Variants in NDUFA2 observed in about 807,000 individuals in gnomAD.
NDUFA2 encodes NADH:ubiquinone oxidoreductase subunit A2.
In NDUFA2, 9 loss-of-function variants were observed where a neutral mutation model predicts 11.4. That is an observed-to-expected ratio of 0.79 (90% CI 0.48 to 1.38). The LOEUF (loss-of-function observed/expected upper bound fraction) is 1.38. NDUFA2 is among the 40% of genes most tolerant of loss of function. NDUFA2 has a pLI of 0.00. For missense variants in NDUFA2, 150 were observed against 131.2 expected (o/e 1.14, Z -0.70); for synonymous variants, 49 against 54.0 (o/e 0.91, Z 0.41).
intron 1 of NDUFA2, 42 bp from the exon 2 acceptor site, chr5:140,647,404 G>T (rs757929497): frequency 6.2e-7 from 1 of 1,610,858 alleles, no homozygotes; most frequent in Non-Finnish European, 8.5e-7. Context: ...GTGGGCGGGG[G>T]CTTCCCTCAA....
In NDUFA2 at chr5:140,645,558, G is replaced by C. The variant is rs1349590193; in HGVS notation, c.*29C>G. 6.2e-7 allele frequency: 1 copy of C among 1,613,540 alleles called. No homozygotes were observed. Among genetic ancestry groups the C allele is most frequent in the Non-Finnish European group, 8.5e-7 (1 of 1,179,752 alleles). On this transcript the variant is annotated 3_prime_UTR_variant, in exon 3 of 3. Transcript: ENST00000252102. ...AGTCCAGCAGAGCCCAGGCTCTGGG[G>C]CTGTTGCTCTTAATCCTCAGTGGAG...
At position 140,647,328 on chromosome 5, in the gene NDUFA2, T is replaced by C; in HGVS notation, c.136A>G (p.Lys46Glu). Reference sequence around the variant, plus strand: ...AGGATGGGTAGGTCGGGATTCGCCTTCTTCAGCTCCACGTAGCGTTTCTCA... The same window carrying C: ...AGGATGGGTAGGTCGGGATTCGCCTCCTTCAGCTCCACGTAGCGTTTCTCA... Reference protein sequence around the residue: ...FIEKRYVELKKANPDLPILIR... With the variant: ...FIEKRYVELKEANPDLPILIR... Residue 46 changes from lysine to glutamate, a missense_variant, in exon 2 of 3, where the codon AAG becomes GAG. By Grantham distance (56) the Lys-to-Glu change is moderately conservative (BLOSUM62 1). Transcript: ENST00000252102. 6.2e-7 allele frequency: 1 copy of C among 1,603,332 alleles called. No individual in the cohort carries two copies. Among genetic ancestry groups the C allele is most frequent in the Non-Finnish European group, 8.5e-7 (1 of 1,173,068 alleles).
intron 2 of NDUFA2, among the ~76,000 whole-genome samples, chr5:140,646,888 G>A (rs1355821612): frequency 6.6e-6 from 1 of 152,082 alleles, no homozygotes; most frequent in Non-Finnish European, 1.5e-5. Context: ...CTCAGCACAG[G>A]GCCCAGCTCT....
chr5:140,647,505 A>G lies in NDUFA2; in HGVS notation c.79T>C (p.Ser27Pro), dbSNP rs761081473. 2 of 1,612,578 alleles carry G rather than the reference A, an allele frequency of 1.2e-6. No homozygotes were observed. Among genetic ancestry groups the G allele is most frequent in the South Asian group, 1.1e-5 (1 of 91,082 alleles). Reference protein sequence around the residue: ...REIRIHLCQRSPGSQGVRDFI... With the variant: ...REIRIHLCQRPPGSQGVRDFI... ...CACCTGACGCCCTGGCTGCCGGGCG[A>G]GCGCTGACATAAGTGGATGCGAATC... The change falls in exon 1 of 3, where the codon TCG becomes CCG. Residue 27 changes from serine to proline, a missense_variant. Ser to Pro is a moderately conservative substitution (Grantham distance 74). Coordinates refer to ENST00000252102, the MANE Select transcript of NDUFA2 (RefSeq NM_002488.5).
In NDUFA2 at chr5:140,647,574, C is replaced by T. The variant is rs370015250; in HGVS notation, c.10G>A (p.Ala4Thr). Reference sequence around the variant, plus strand: ...GCCCCGACTCCTCGACTTGCTGCGGCCGCCGCCATCCTTGTTAATATCGAA... The same window carrying T: ...GCCCCGACTCCTCGACTTGCTGCGGTCGCCGCCATCCTTGTTAATATCGAA... MAAAAASRGVGAKL... is the reference protein window; with the variant it reads MAATAASRGVGAKL... The change falls in exon 1 of 3, where the codon GCC becomes ACC. Residue 4 changes from alanine to threonine, a missense_variant. Physicochemically the swap from Ala to Thr is moderately conservative, Grantham distance 58. Coordinates refer to ENST00000252102, the MANE Select transcript of NDUFA2 (RefSeq NM_002488.5). 1 of 1,610,316 alleles carries T rather than the reference C, an allele frequency of 6.2e-7. No individual in the cohort carries two copies. The highest frequency in any genetic ancestry group is 8.5e-7 in the Non-Finnish European group (1 of 1,179,948).
In NDUFA2 at chr5:140,645,445, T is replaced by A; in HGVS notation, c.*142A>T. 2.8e-6 allele frequency: 3 copies of A among 1,063,974 alleles called. No individual in the cohort carries two copies. Among genetic ancestry groups the A allele is most frequent in the Non-Finnish European group, 4.2e-6 (3 of 710,382 alleles). The allele number at this position is 1,063,974 out of a possible 1,614,324, so 65.9% of individuals were successfully genotyped here. ...TGGTTGCACAGTAAGGGGTAGAGGG[T>A]AGATGAGGACAAGAACACCCTGAGA... On this transcript the variant is annotated 3_prime_UTR_variant, in exon 3 of 3. Coordinates refer to ENST00000252102, the MANE Select transcript of NDUFA2 (RefSeq NM_002488.5).
At chr5:140,645,815 G>T in intron 2 of NDUFA2, 137 bp from the exon 3 acceptor site, 1 of 1,418,194 alleles carries the variant, frequency 7.1e-7, no homozygotes, top group Admixed American at 2.0e-5. Flanking sequence ...AATACATTTG[G>T]TATGCCTAGA....
rs1468402919 is a variant in NDUFA2, at chr5:140,647,543, A to T, written c.41T>A (p.Leu14Gln). ...GTGGATGCGAATCTCACGCAGGCCC[A>T]GCTTTGCCCCGACTCCTCGACTTGC... Reference protein sequence around the residue: ...AAASRGVGAKLGLREIRIHLC... With the variant: ...AAASRGVGAKQGLREIRIHLC... The change falls in exon 1 of 3, where the codon CTG becomes CAG. Residue 14 changes from leucine to glutamine, a missense_variant. Coordinates refer to ENST00000252102, the MANE Select transcript of NDUFA2 (RefSeq NM_002488.5). 38 of 1,611,996 alleles carry T rather than the reference A, an allele frequency of 2.4e-5. No homozygotes were observed. The East Asian group carries it at 8.2e-4, about 35-fold the overall frequency.
In NDUFA2 at chr5:140,646,009, C is replaced by CT. The variant is rs5871744; in HGVS notation, c.209-332dup. 5.7e-3 allele frequency among the ~76,000 whole-genome samples: 712 copies of CT among 124,080 alleles called. 5 individuals are homozygous for CT. The highest frequency in any genetic ancestry group is 0.012 in the Middle Eastern group (3 of 250). 81.4% of individuals were successfully genotyped at this position (124,080 alleles called of 152,430 possible). A position where few individuals can be genotyped will look rare whatever the true frequency, so the allele number is the denominator to read the frequency against. On this transcript the variant is annotated intron_variant, in intron 2 of 2. Coordinates refer to ENST00000252102, the MANE Select transcript of NDUFA2 (RefSeq NM_002488.5). ...CCTCAGCTGGGAGCCCATTCTCTCTCTTTTTTTTTTTTTTTTTTTGAGACG... is the reference window on the plus strand; with the variant it reads ...CCTCAGCTGGGAGCCCATTCTCTCTCTTTTTTTTTTTTTTTTTTTTGAGACG...
intron 2 of NDUFA2, chr5:140,647,032 C>A (rs559435640): frequency 1.9e-6 from 1 of 515,070 alleles, no homozygotes; most frequent in South Asian, 3.0e-5. Flanking sequence ...AGCTCCTGGT[C>A]CCTACGCAGG....
rs763129842 is a variant in NDUFA2 at position 140,647,367 on chromosome 5, G to T, written c.102-5C>A. ...TAGCGTTTCTCAATGAAGTCCCTGC[G>T]GGGCCGGAGAGAGCGCCGCGCGTGC... On this transcript the variant is annotated splice_region_variant and splice_polypyrimidine_tract_variant and intron_variant, in intron 1 of 2. Coordinates refer to ENST00000252102, the MANE Select transcript of NDUFA2 (RefSeq NM_002488.5). 2.5e-6 allele frequency: 4 copies of T among 1,610,696 alleles called. No homozygotes were observed. Among genetic ancestry groups the T allele is most frequent in the Non-Finnish European group, 3.4e-6 (4 of 1,177,514 alleles).
Position 140,645,502 on chromosome 5 carries a change from TAGG to T in NDUFA2, c.*82_*84del, listed in dbSNP as rs1276132669. ...TTTACAGCACAAGCTTTATGAGGAATAGGAGAACACATTTTTTTCACATTATAC... is the reference window on the plus strand; with the variant it reads ...TTTACAGCACAAGCTTTATGAGGAATAGAACACATTTTTTTCACATTATAC... On this transcript the variant is annotated 3_prime_UTR_variant, in exon 3 of 3. Transcript: ENST00000252102. 4 of 1,531,264 alleles carry T rather than the reference TAGG, an allele frequency of 2.6e-6. No individual in the cohort carries two copies. The highest frequency in any genetic ancestry group is 2.2e-4 in the Middle Eastern group (1 of 4,468). 94.9% of individuals were successfully genotyped at this position (1,531,264 alleles called of 1,614,324 possible). A position where few individuals can be genotyped will look rare whatever the true frequency, so the allele number is the denominator to read the frequency against.
rs1246663582 is a variant in NDUFA2 at position 140,647,619 on chromosome 5, C to A, written c.-36G>T. 1.9e-6 allele frequency: 3 copies of A among 1,601,428 alleles called. No individual in the cohort carries two copies. Among genetic ancestry groups the A allele is most frequent in the Non-Finnish European group, 2.5e-6 (3 of 1,177,066 alleles). On this transcript the variant is annotated 5_prime_UTR_variant, in exon 1 of 3. Transcript: ENST00000252102. ...ATCGAAGTCGCCAATTCCAGGTCTT[C>A]AGGCCAAGTGCTCCGGTCTGACCAA... is the stretch of plus-strand genomic sequence containing the variant.
intron 2 of NDUFA2, among the ~76,000 whole-genome samples, chr5:140,646,123 G>A (rs1223578560): frequency 3.3e-5 from 5 of 150,610 alleles, no homozygotes. Context: ...CAATTCTCCT[G>A]CCTCAGCCTC....
In NDUFA2 at chr5:140,647,147, C is replaced by G. The variant is rs1297062114; in HGVS notation, c.208+109G>C. ...ACAAGATCAACAGCAAGGCTAAAGT[C>G]CGAGTTCTAGTTTCTCCACGGGTTT... On this transcript the variant is annotated intron_variant, in intron 2 of 2. Transcript: ENST00000252102. 5.0e-6 allele frequency: 6 copies of G among 1,199,494 alleles called. No homozygotes were observed. The African/African-American group carries it at 7.7e-5, about 15-fold the overall frequency. 74.3% of individuals were successfully genotyped at this position (1,199,494 alleles called of 1,614,324 possible). A position where few individuals can be genotyped will look rare whatever the true frequency, so the allele number is the denominator to read the frequency against.
chr5:140,646,722 A>C (rs954659421), intron 2 of NDUFA2, among the ~76,000 whole-genome samples: 1 of 152,208 alleles, frequency 6.6e-6, no homozygotes, highest in African/African-American at 2.4e-5. Context: ...GTAAAGGCTC[A>C]ATCCTGTTAA....
chr5:140,647,193 C>T lies in NDUFA2; in HGVS notation c.208+63G>A, dbSNP rs184408776. The T allele has an allele frequency of 1.5e-3, 2,224 of 1,495,054 alleles. 1 individual carries two copies. Among genetic ancestry groups the T allele is most frequent in the Non-Finnish European group, 1.8e-3 (2,039 of 1,118,068 alleles). The allele number at this position is 1,495,054 out of a possible 1,614,324, so 92.6% of individuals were successfully genotyped here. A position where few individuals can be genotyped will look rare whatever the true frequency, so the allele number is the denominator to read the frequency against. On this transcript the variant is annotated intron_variant, in intron 2 of 2. Transcript: ENST00000252102. The stretch of plus-strand genomic sequence containing the variant: ...GGTTTCTGCACGACCTTGGGCGGTC[C>T]CTTCTCTTCTCAAACCCTTGTTCCC...
intron 2 of NDUFA2, chr5:140,646,978 A>G (rs1757440064): frequency 2.7e-6 from 1 of 366,314 alleles, no homozygotes; most frequent in African/African-American, 2.1e-5. Context: ...TATATTGACT[A>G]ACTTCTCTCC....
Position 140,645,515 on chromosome 5 carries a change from T to C in NDUFA2, c.*72A>G, listed in dbSNP as rs773021648. ...CTTTATGAGGAATAGGAGAACACAT[T>C]TTTTTCACATTATACTAAGTCCAGC... On this transcript the variant is annotated 3_prime_UTR_variant, in exon 3 of 3. Transcript: ENST00000252102. The C allele has an allele frequency of 5.0e-6, 8 of 1,584,730 alleles. No homozygotes were observed. The South Asian group carries it at 6.7e-5, about 13-fold the overall frequency.
Sources: allele counts gnomAD v4.1 joint callset (sites outside exome capture counted in the v4.1 genomes callset), GRCh38; gene constraint gnomAD v4.1.1; transcripts MANE v1.5; gene names NCBI Gene and HGNC (gene_info 2026-07-23, HGNC 2026-07-21).